UBA52: variants seen among roughly 807,000 people sequenced by gnomAD.
UBA52 encodes ubiquitin A-52 residue ribosomal protein fusion product 1.
A neutral mutation model predicts 15.3 loss-of-function variants in UBA52; 1 was observed. The observed-to-expected ratio is 0.07, with a 90% CI of 0.02 to 0.31. UBA52 has a LOEUF of 0.31. Ranked by LOEUF, UBA52 falls within the 10% of genes least tolerant of loss-of-function variation. The probability of loss-of-function intolerance (pLI) is 1.00; values close to 1 mark genes in which losing one functional copy is unlikely to be tolerated. For synonymous variants in UBA52, 50 were observed against 58.3 expected (o/e 0.86, Z 0.65); for missense variants, 87 against 168.0 (o/e 0.52, Z 2.66).
chr19:18,570,789 G>A (rs1975453720), upstream of UBA52, among the ~76,000 whole-genome samples: 1 of 151,850 alleles, frequency 6.6e-6, no homozygotes, highest in African/African-American at 2.4e-5. Flanking sequence ...CCGGGTTCAA[G>A]CGATTCTCCT....
chr19:18,573,633 GC>G, intron 2 of UBA52, 28 bp from the exon 3 acceptor site: 1 of 1,610,844 alleles, frequency 6.2e-7, no homozygotes, highest in Non-Finnish European at 8.5e-7. Context: ...GGTCCGCAGA[GC>G]CTCTAACTGA....
At chr19:18,564,241 A>C in the UBA52 span, among the ~76,000 whole-genome samples, 2 of 151,962 alleles carry the variant, frequency 1.3e-5, no homozygotes, top group African/African-American at 4.8e-5. Context: ...TTCTAGACTG[A>C]GGGGAGACAA....
chr19:18,568,893 G>C (rs977224523), upstream of UBA52: 5 of 504,744 alleles, frequency 9.9e-6, no homozygotes, highest in Non-Finnish European at 1.4e-5. Context: ...CTGGAGTCGT[G>C]GGGCTGGGCA....
rs896322806 is a variant in UBA52, at chr19:18,577,088, G to C, written c.*1938G>C. Reference sequence around the variant, plus strand: ...GCCTCCCAAAGTGCTGGGATTACAGGGGTGAGGCACCTTGCTGGCCCCTGT... The same window carrying C: ...GCCTCCCAAAGTGCTGGGATTACAGCGGTGAGGCACCTTGCTGGCCCCTGT... On this transcript the variant is annotated 3_prime_UTR_variant, in exon 5 of 5. Coordinates refer to ENST00000442744, the MANE Select transcript of UBA52 (RefSeq NM_001033930.3). 1.3e-5 allele frequency: 2 copies of C among 150,912 alleles called. No individual in the cohort carries two copies. The highest frequency in any genetic ancestry group is 2.9e-5 in the Non-Finnish European group (2 of 67,908). The allele number at this position is 150,912 out of a possible 1,614,324, so 9.3% of individuals were successfully genotyped here.
rs1313989658 is a variant in UBA52, at chr19:18,574,878, C to G, written c.199C>G (p.Leu67Val). 1 of 1,613,696 alleles carries G rather than the reference C, an allele frequency of 6.2e-7. No homozygotes were observed. The highest frequency in any genetic ancestry group is 1.7e-5 in the Admixed American group (1 of 60,028). ...CTGGCTGTCTCCTGCAGAGTCCACC[C>G]TGCACCTGGTGTTGCGCCTGCGAGG... ...SDYNIQKEST[L>V]HLVLRLRGGI... Residue 67 changes from leucine to valine, a missense_variant, in exon 4 of 5, where the codon CTG (leucine) becomes GTG (valine). Transcript: ENST00000442744.
upstream of UBA52, chr19:18,568,324 G>A: frequency 1.9e-6 from 2 of 1,067,074 alleles, no homozygotes; most frequent in South Asian, 2.8e-5. Flanking sequence ...CAGCCGTTAG[G>A]GGTCACATGG....
chr19:18,568,851 C>A (rs1023771672), upstream of UBA52: 4 of 566,090 alleles, frequency 7.1e-6, no homozygotes, highest in African/African-American at 7.5e-5. Context: ...TCTGCAAGAC[C>A]CCTCTGCCAT....
At chr19:18,573,477 G>T (rs1600619304) in intron 2 of UBA52, 74 bp downstream of exon 2, 2 of 1,390,456 alleles carry the variant, frequency 1.4e-6, no homozygotes, top group South Asian at 1.2e-5. Context: ...TCTCAGTCCT[G>T]TGTGGGTTGT....
chr19:18,573,397 A>G lies in UBA52; in HGVS notation c.97A>G (p.Lys33Glu). The change falls in exon 2 of 5, where the codon AAG (lysine) becomes GAG (glutamate). Residue 33 changes from lysine (K) to glutamate (E), a missense_variant. Lys to Glu is a moderately conservative substitution (Grantham distance 56). Transcript: ENST00000442744. ...GAATGTCAAAGCCAAAATTCAAGAC[A>G]AGGAGGGTGAGTAGGGCTGGGTGTG... ...IENVKAKIQD[K>E]EGIPPDQQRL... 1 of 1,613,852 alleles carries G rather than the reference A, an allele frequency of 6.2e-7. No homozygotes were observed. The highest frequency in any genetic ancestry group is 1.7e-5 in the Admixed American group (1 of 59,976).
chr19:18,574,494 G>A (rs543399956), intron 3 of UBA52, among the ~76,000 whole-genome samples: 2 of 152,004 alleles, frequency 1.3e-5, no homozygotes, highest in Admixed American at 6.5e-5. Flanking sequence ...GTTTCACTAC[G>A]TTGGCCAGGC....
upstream of UBA52, among the ~76,000 whole-genome samples, chr19:18,567,575 G>A (rs909682982): frequency 2.6e-5 from 4 of 152,208 alleles, no homozygotes; most frequent in African/African-American, 9.7e-5. Flanking sequence ...TCACCCATGG[G>A]GTGGGGACTG....
At chr19:18,573,503 G>T (rs1047880444) in intron 2 of UBA52, 100 bp downstream of exon 2, 2 of 1,315,772 alleles carry the variant, frequency 1.5e-6, no homozygotes, top group Non-Finnish European at 2.2e-6. Context: ...CTTTAGATCT[G>T]TTTTGCCCTT....
At chr19:18,566,513 G>A in the UBA52 span, among the ~76,000 whole-genome samples, 2 of 151,646 alleles carry the variant, frequency 1.3e-5, no homozygotes, top group African/African-American at 4.8e-5. Flanking sequence ...AGGAATGGCT[G>A]GGCACAGTGG....
chr19:18,570,102 A>G (rs952864281), upstream of UBA52, among the ~76,000 whole-genome samples: 1 of 152,190 alleles, frequency 6.6e-6, no homozygotes, highest in Non-Finnish European at 1.5e-5. Flanking sequence ...TTTGCCTGGT[A>G]TAGTAGTGCC....
chr19:18,572,894 C>T, intron 1 of UBA52: 3 of 1,084,696 alleles, frequency 2.8e-6, no homozygotes, highest in Non-Finnish European at 3.4e-6. Context: ...AGATCAGGAC[C>T]TGGCTGCCGT....
chr19:18,569,991 A>G (rs1975424534), upstream of UBA52, among the ~76,000 whole-genome samples: 1 of 152,192 alleles, frequency 6.6e-6, no homozygotes, highest in Non-Finnish European at 1.5e-5. Context: ...AGATCGCACC[A>G]CTGCACTCTA....
chr19:18,565,129 A>C, the UBA52 span: 1 of 1,522,628 alleles, frequency 6.6e-7, no homozygotes, highest in Non-Finnish European at 8.8e-7. Flanking sequence ...TGTTTGTTTT[A>C]CAAGGCTTCA....
upstream of UBA52, chr19:18,568,301 C>T: frequency 4.9e-6 from 4 of 808,182 alleles, no homozygotes; most frequent in Middle Eastern, 7.1e-4. Context: ...GTCATACCCC[C>T]ATGGGGTGAG....
At chr19:18,565,003 G>C in the UBA52 span, 2 of 1,604,702 alleles carry the variant, frequency 1.2e-6, no homozygotes, top group Non-Finnish European at 1.7e-6. Flanking sequence ...GACCTGGACA[G>C]CATCTTCCGC....
Sources: allele counts gnomAD v4.1 joint callset (sites outside exome capture counted in the v4.1 genomes callset), GRCh38; gene constraint gnomAD v4.1.1; transcripts MANE v1.5; gene names NCBI Gene and HGNC (gene_info 2026-07-23, HGNC 2026-07-21).